Variants in NAV2 observed in about 807,000 individuals in gnomAD.
NAV2 encodes helicase, APC down-regulated 1.
NAV2 carries 54 observed loss-of-function variants against 223.2 expected under a neutral mutation model. The ratio of observed to expected loss-of-function variants is 0.24; its 90% CI spans 0.19 to 0.30. The LOEUF is 0.30. NAV2 is among the 10% of genes least tolerant of loss of function. NAV2 has a pLI of 1.00. For missense variants in NAV2, 2,806 were observed against 3,147.5 expected (o/e 0.89, Z 2.60); for synonymous variants, 1,279 against 1,239.3 (o/e 1.03, Z -0.67).
At chr11:19,797,210 C>A (rs1170242578) in intron 1 of NAV2, among the ~76,000 whole-genome samples, 4 of 151,770 alleles carry the variant, frequency 2.6e-5, no homozygotes, top group African/African-American at 7.3e-5. Context: ...TGAGTCCCCC[C>A]ACTTCCCCTC....
chr11:20,107,552 C>A, intron 35 of NAV2, 112 bp from the exon 36 acceptor site: 3 of 796,188 alleles, frequency 3.8e-6, no homozygotes, highest in Non-Finnish European at 6.3e-6. Context: ...CCCTGCCATC[C>A]CTCAGAACGT....
At chr11:19,596,931 C>T (rs1421371402) in intron 1 of NAV2, among the ~76,000 whole-genome samples, 5 of 152,204 alleles carry the variant, frequency 3.3e-5, no homozygotes, top group Non-Finnish European at 7.3e-5. Context: ...GAAACGGAGG[C>T]ACAGAATGTT....
chr11:19,935,312 C>G (rs999027480), intron 7 of NAV2, among the ~76,000 whole-genome samples: 4 of 152,226 alleles, frequency 2.6e-5, no homozygotes, highest in Admixed American at 2.6e-4. Context: ...AGTTGTAACT[C>G]AAGTGCATAC....
At position 20,069,313 on chromosome 11, in the gene NAV2, G is replaced by A. The variant is rs1038376895; in HGVS notation, c.4983+915G>A. ...TAATTAGTGTCTATGGCTTGGATGT[G>A]GAGGAGAGGTAAGGGTGGAGAGGGG... is the stretch of plus-strand genomic sequence containing the variant. On this transcript the variant is annotated intron_variant, in intron 22 of 37. Transcript: ENST00000349880. Among the ~76,000 whole-genome samples the A allele has an allele frequency of 2.0e-5, 3 of 152,098 alleles. No homozygotes were observed. The South Asian group carries it at 6.2e-4, about 32-fold the overall frequency.
chr11:20,029,343 C>T (rs143967987), intron 11 of NAV2, among the ~76,000 whole-genome samples: 248 of 152,266 alleles, frequency 1.6e-3, no homozygotes, highest in African/African-American at 5.8e-3. Context: ...CTGGCTCTTG[C>T]TGTGTCCATG....
chr11:19,352,886 C>A (rs763306192), intron 1 of NAV2, among the ~76,000 whole-genome samples: 9 of 152,088 alleles, frequency 5.9e-5, no homozygotes, highest in Non-Finnish European at 1.2e-4. Flanking sequence ...CTTCTGTTGG[C>A]GGCAGCAGCT....
chr11:19,943,711 A>G (rs1469468242), intron 8 of NAV2, among the ~76,000 whole-genome samples: 1 of 152,050 alleles, frequency 6.6e-6, no homozygotes, highest in Non-Finnish European at 1.5e-5. Context: ...TGCTTGTGCT[A>G]TGTTCTAGAT....
chr11:19,618,818 G>A (rs1165143862), intron 1 of NAV2, among the ~76,000 whole-genome samples: 1 of 151,818 alleles, frequency 6.6e-6, no homozygotes, highest in Non-Finnish European at 1.5e-5. Flanking sequence ...GATAAGTGGA[G>A]TAAGAAGGAA....
At chr11:19,589,276 CT>C (rs1202322861) in intron 1 of NAV2, among the ~76,000 whole-genome samples, 1 of 152,194 alleles carries the variant, frequency 6.6e-6, no homozygotes, top group African/African-American at 2.4e-5. Context: ...CAAAAAAAAC[CT>C]CCCAGCTTAA....
chr11:19,624,847 C>G (rs1255629011), intron 1 of NAV2, among the ~76,000 whole-genome samples: 1 of 152,248 alleles, frequency 6.6e-6, no homozygotes, highest in African/African-American at 2.4e-5. Context: ...CTGCATCACT[C>G]ATGCTGGGAG....
At chr11:19,758,912 CTTAA>C (rs546311707) in intron 1 of NAV2, among the ~76,000 whole-genome samples, 293 of 152,124 alleles carry the variant, frequency 1.9e-3, no homozygotes, top group African/African-American at 6.7e-3. Flanking sequence ...GGTCATTGAT[CTTAA>C]TTAATTATCC....
intron 1 of NAV2, among the ~76,000 whole-genome samples, chr11:19,651,694 G>A (rs2047972150): frequency 6.6e-6 from 1 of 152,228 alleles, no homozygotes; most frequent in African/African-American, 2.4e-5. Context: ...TTAGCACCAT[G>A]TGGCATGAGG....
intron 10 of NAV2, among the ~76,000 whole-genome samples, chr11:19,975,343 A>T (rs553639342): frequency 6.6e-6 from 1 of 152,242 alleles, no homozygotes; most frequent in African/African-American, 2.4e-5. Flanking sequence ...TATTGGTTTA[A>T]GGGTGATAAG....
chr11:20,024,357 G>T (rs556320075), intron 11 of NAV2, among the ~76,000 whole-genome samples: 1 of 152,318 alleles, frequency 6.6e-6, no homozygotes, highest in South Asian at 2.1e-4. Context: ...ACCTGGTTCA[G>T]GAAGACTTGA....
At chr11:19,972,827 C>T (rs1330173228) in intron 10 of NAV2, among the ~76,000 whole-genome samples, 2 of 152,184 alleles carry the variant, frequency 1.3e-5, no homozygotes, top group African/African-American at 4.8e-5. Context: ...GTCCCCAACA[C>T]CCAGGCTAGT....
At chr11:19,693,811 G>C (rs1401953070) in intron 1 of NAV2, among the ~76,000 whole-genome samples, 1 of 152,166 alleles carries the variant, frequency 6.6e-6, no homozygotes, top group African/African-American at 2.4e-5. Context: ...GAAGACCCTG[G>C]CTTGAGAACC....
chr11:19,504,964 G>A (rs2043077226), intron 1 of NAV2: 1 of 152,200 alleles, frequency 6.6e-6, no homozygotes, highest in African/African-American at 2.4e-5. Context: ...ACTTGTCCAT[G>A]GTCCACAGAT....
At chr11:19,714,212 C>T in intron 1 of NAV2, 1 of 690,736 alleles carries the variant, frequency 1.4e-6, no homozygotes, top group Non-Finnish European at 2.6e-6. Context: ...TCTGCAGCAT[C>T]TTCCTGGGGA....
intron 1 of NAV2, among the ~76,000 whole-genome samples, chr11:19,391,264 G>A (rs1277906361): frequency 6.6e-6 from 1 of 152,032 alleles, no homozygotes; most frequent in African/African-American, 2.4e-5. Flanking sequence ...CTGTCCCCCT[G>A]CTTCACCCTT....
Sources: gnomAD v4.1 joint callset for allele counts (sites outside exome capture counted in the v4.1 genomes callset) on GRCh38, gnomAD v4.1.1 for gene constraint, MANE v1.5 for transcripts, NCBI Gene and HGNC (gene_info 2026-07-23, HGNC 2026-07-21) for gene names.